Variants in DIP2B observed in about 807,000 individuals in gnomAD.
The protein encoded by DIP2B is DIP2 acetate--CoA ligase B (putative), also known as disco-interacting protein 2 homolog B.
In DIP2B, 76 loss-of-function variants were observed where a neutral mutation model predicts 198.0. The ratio of observed to expected loss-of-function variants is 0.38; its 90% CI spans 0.32 to 0.46. The LOEUF (loss-of-function observed/expected upper bound fraction) is 0.46, where lower values mean the gene tolerates loss of function less well. Ranked by LOEUF, DIP2B falls within the 20% of genes least tolerant of loss-of-function variation. DIP2B has a pLI of 0.99. For missense variants in DIP2B, 1,559 were observed against 1,978.4 expected, an observed-to-expected ratio of 0.79 and a Z score of 4.02; for synonymous variants, 701 against 739.1, an observed-to-expected ratio of 0.95 and a Z score of 0.84.
intron 3 of DIP2B, among the ~76,000 whole-genome samples, chr12:50,642,439 G>A (rs1224690247): frequency 4.6e-5 from 7 of 152,118 alleles, no homozygotes; most frequent in Admixed American, 1.3e-4. Context: ...CTGGCACAGG[G>A]CCTTCCATAT....
intron 1 of DIP2B, among the ~76,000 whole-genome samples, chr12:50,562,507 A>G (rs1958528089): frequency 6.6e-6 from 1 of 152,064 alleles, no homozygotes; most frequent in African/African-American, 2.4e-5. Context: ...AACCGAGGGC[A>G]GTGGATTGCT....
At chr12:50,610,806 T>G (rs1262043336) in intron 1 of DIP2B, among the ~76,000 whole-genome samples, 1 of 78,156 alleles carries the variant, frequency 1.3e-5, no homozygotes, top group Non-Finnish European at 3.1e-5. Context: ...GTGCCCAACC[T>G]TTTTTTTTTT....
intron 3 of DIP2B, among the ~76,000 whole-genome samples, chr12:50,659,557 G>T (rs1253608291): frequency 2.6e-5 from 4 of 151,900 alleles, no homozygotes; most frequent in African/African-American, 7.3e-5. Flanking sequence ...CCTTTGGAGT[G>T]GGGGTAGAAA....
chr12:50,591,486 G>A (rs1006633562), intron 1 of DIP2B, among the ~76,000 whole-genome samples: 10 of 151,896 alleles, frequency 6.6e-5, no homozygotes, highest in African/African-American at 2.2e-4. Context: ...CTCCCTGGCT[G>A]GAGTACAGTG....
intron 1 of DIP2B, among the ~76,000 whole-genome samples, chr12:50,559,709 C>CCACACACACACACACACACACACACACA (rs55678718): frequency 7.2e-6 from 1 of 139,520 alleles, no homozygotes; most frequent in African/African-American, 2.7e-5. Context: ...GTGACAGAAA[C>CCACACACACACACACACACACACACACA]CACACACACA....
At chr12:50,558,147 C>T (rs1217227046) in intron 1 of DIP2B, among the ~76,000 whole-genome samples, 5 of 152,270 alleles carry the variant, frequency 3.3e-5, no homozygotes, top group South Asian at 4.1e-4. Context: ...GTGGGAGGAT[C>T]GCTTGAACCC....
chr12:50,602,200 G>A (rs1001666584), intron 1 of DIP2B, among the ~76,000 whole-genome samples: 1 of 152,146 alleles, frequency 6.6e-6, no homozygotes, highest in Non-Finnish European at 1.5e-5. Flanking sequence ...CTCACAAATG[G>A]TATAGTTGTA....
intron 1 of DIP2B, among the ~76,000 whole-genome samples, chr12:50,579,248 G>A (rs962825078): frequency 1.3e-5 from 2 of 152,068 alleles, no homozygotes; most frequent in African/African-American, 4.8e-5. Flanking sequence ...CCTGTTGCTG[G>A]CAGCATTTGT....
At chr12:50,538,814 A>C (rs1958293163) in intron 1 of DIP2B, among the ~76,000 whole-genome samples, 1 of 152,176 alleles carries the variant, frequency 6.6e-6, no homozygotes, top group South Asian at 2.1e-4. Flanking sequence ...GCTGTTGAAT[A>C]CTGGGAAAAG....
intron 1 of DIP2B, among the ~76,000 whole-genome samples, chr12:50,507,699 A>AT (rs554944537): frequency 3.3e-5 from 5 of 151,834 alleles, no homozygotes; most frequent in South Asian, 2.1e-4. Flanking sequence ...TGCCGGGCTA[A>AT]TTTTTTTTGT....
chr12:50,515,404 G>C (rs1958055311), intron 1 of DIP2B, among the ~76,000 whole-genome samples: 1 of 152,044 alleles, frequency 6.6e-6, no homozygotes, highest in Admixed American at 6.6e-5. Flanking sequence ...GCTAATTTTT[G>C]TATTTTAGTA....
At chr12:50,592,658 A>C (rs1365532926) in intron 1 of DIP2B, among the ~76,000 whole-genome samples, 1 of 151,680 alleles carries the variant, frequency 6.6e-6, no homozygotes, top group East Asian at 1.9e-4. Context: ...TTGTATTTTT[A>C]GTAGAGATGG....
intron 9 of DIP2B, among the ~76,000 whole-genome samples, chr12:50,682,546 G>A (rs890197649): frequency 5.4e-5 from 8 of 146,942 alleles, no homozygotes; most frequent in Non-Finnish European, 1.2e-4. Context: ...GGAGAATGGC[G>A]TGAACCCAGG....
At chr12:50,702,600 G>A (rs1171162978) in intron 19 of DIP2B, among the ~76,000 whole-genome samples, 2 of 151,778 alleles carry the variant, frequency 1.3e-5, no homozygotes, top group African/African-American at 4.8e-5. Flanking sequence ...GTTCACACCT[G>A]TAGTCCCAGC....
chr12:50,713,542 C>T (rs1201600556), intron 22 of DIP2B, among the ~76,000 whole-genome samples: 2 of 152,212 alleles, frequency 1.3e-5, no homozygotes, highest in Non-Finnish European at 2.9e-5. Flanking sequence ...AGCACAGGTA[C>T]GCTCAGGGTA....
At chr12:50,742,406 A>C (rs957823288) in intron 37 of DIP2B, among the ~76,000 whole-genome samples, 2 of 143,678 alleles carry the variant, frequency 1.4e-5, no homozygotes, top group African/African-American at 2.5e-5. Context: ...AAAAAAAAAA[A>C]AAAAAAAAAA....
chr12:50,689,987 A>C (rs536371521), intron 12 of DIP2B, among the ~76,000 whole-genome samples: 1 of 152,206 alleles, frequency 6.6e-6, no homozygotes, highest in Non-Finnish European at 1.5e-5. Context: ...GCTGGTCCTA[A>C]GGTAGTTAAT....
At chr12:50,571,933 C>A (rs1425132241) in intron 1 of DIP2B, among the ~76,000 whole-genome samples, 1 of 152,146 alleles carries the variant, frequency 6.6e-6, no homozygotes, top group African/African-American at 2.4e-5. Flanking sequence ...AAAGATGCAT[C>A]TGTCTTTCCA....
At chr12:50,739,294 G>A (rs946084223) in intron 35 of DIP2B, 115 bp from the exon 36 acceptor site, 4 of 1,178,640 alleles carry the variant, frequency 3.4e-6, no homozygotes, top group Admixed American at 2.5e-5. Context: ...TATTGATGCA[G>A]TTGTGTTGTT....
Sources: allele counts gnomAD v4.1 joint callset (sites outside exome capture counted in the v4.1 genomes callset), GRCh38; gene constraint gnomAD v4.1.1; transcripts MANE v1.5; gene names NCBI Gene and HGNC (gene_info 2026-07-23, HGNC 2026-07-21).